Variants in PSME4 observed in about 807,000 individuals in gnomAD.
The protein encoded by PSME4 is proteasome activator subunit 4, also known as proteasome activator complex subunit 4.
In PSME4, 89 loss-of-function variants were observed where a neutral mutation model predicts 253.9. The ratio of observed to expected loss-of-function variants is 0.35; its 90% CI spans 0.30 to 0.42. The LOEUF is 0.42. Among genes scored for constraint, PSME4 ranks in the 10% least tolerant of loss-of-function variants. PSME4 has a pLI of 1.00. For missense variants in PSME4, 2,014 were observed against 2,195.2 expected, an observed-to-expected ratio of 0.92 and a Z score of 1.65; for synonymous variants, 851 against 759.2, an observed-to-expected ratio of 1.12 and a Z score of -1.99.
intron 1 of PSME4, among the ~76,000 whole-genome samples, chr2:53,954,366 G>C (rs148119554): frequency 6.6e-6 from 1 of 151,912 alleles, no homozygotes; most frequent in East Asian, 1.9e-4. Flanking sequence ...TGGGCTAGGC[G>C]CCATGGCTCA....
chr2:53,942,423 T>G (rs1004399591), intron 3 of PSME4, among the ~76,000 whole-genome samples: 8 of 152,090 alleles, frequency 5.3e-5, no homozygotes, highest in African/African-American at 1.7e-4. Context: ...TGGATGGGTT[T>G]TCTTATACCC....
intron 14 of PSME4, among the ~76,000 whole-genome samples, chr2:53,925,037 C>A (rs1267842245): frequency 6.6e-6 from 1 of 152,166 alleles, no homozygotes; most frequent in East Asian, 1.9e-4. Flanking sequence ...TGACGCTTAC[C>A]TAGCACAGTG....
rs199846556 is a variant in PSME4, at chr2:53,893,657, G to A, written c.4038+17C>T. On this transcript the variant is annotated intron_variant, in intron 35 of 46. Coordinates refer to ENST00000404125, the MANE Select transcript of PSME4 (RefSeq NM_014614.3). ...TTACTAAGCATTACAAAGAGGATAT[G>A]TAAACAATATAGTTACCTTAAAGAG... The A allele has an allele frequency of 8.8e-5, 142 of 1,605,356 alleles. No homozygotes were observed. In the African/African-American group the frequency reaches 1.6e-3, roughly 19 times the overall value.
At chr2:53,899,760 G>C (rs1466824013) in intron 29 of PSME4, 121 bp downstream of exon 29, 1 of 1,222,962 alleles carries the variant, frequency 8.2e-7, no homozygotes. Flanking sequence ...GAAGGTTGCA[G>C]TGAGCCATGA....
chr2:53,873,904 A>T (rs1679006842), intron 43 of PSME4, among the ~76,000 whole-genome samples: 1 of 152,218 alleles, frequency 6.6e-6, no homozygotes, highest in Non-Finnish European at 1.5e-5. Flanking sequence ...TTTGTATTAT[A>T]AGGAATCATG....
intron 4 of PSME4, among the ~76,000 whole-genome samples, chr2:53,938,007 A>G (rs1573332697): frequency 6.6e-6 from 1 of 152,020 alleles, no homozygotes; most frequent in Non-Finnish European, 1.5e-5. Context: ...AAAAAAAAAA[A>G]TTCCCCATCA....
intron 39 of PSME4, 42 bp downstream of exon 39, chr2:53,887,816 C>G (rs746096761): frequency 6.6e-7 from 1 of 1,511,720 alleles, no homozygotes; most frequent in Non-Finnish European, 9.0e-7. Context: ...AAAAAACAAA[C>G]AAAGAACTCG....
At chr2:53,953,609 T>G (rs1213857600) in intron 1 of PSME4, among the ~76,000 whole-genome samples, 1 of 151,804 alleles carries the variant, frequency 6.6e-6, no homozygotes, top group Admixed American at 6.6e-5. Flanking sequence ...GTCTTTTTTT[T>G]TTTTTAAGGT....
In PSME4 at chr2:53,889,164, C is replaced by A. The variant is rs146369153; in HGVS notation, c.4297-352G>T. Reference sequence around the variant, plus strand: ...AAAGTTGAGAGCTAGTGCACCCAGCCATATTCAATTATTTTAGAAATACTG... The same window carrying A: ...AAAGTTGAGAGCTAGTGCACCCAGCAATATTCAATTATTTTAGAAATACTG... On this transcript the variant is annotated intron_variant, in intron 37 of 46. Coordinates refer to ENST00000404125, the MANE Select transcript of PSME4 (RefSeq NM_014614.3). 5.3e-5 allele frequency among the ~76,000 whole-genome samples: 8 copies of A among 152,270 alleles called. No individual in the cohort carries two copies. The East Asian group carries it at 1.5e-3, about 29-fold the overall frequency.
chr2:53,968,679 T>C (rs1181683349), intron 1 of PSME4, among the ~76,000 whole-genome samples: 1 of 152,240 alleles, frequency 6.6e-6, no homozygotes, highest in Non-Finnish European at 1.5e-5. Flanking sequence ...GTAGCATTTC[T>C]TGCTGGTTAT....
intron 38 of PSME4, 73 bp downstream of exon 38, chr2:53,888,648 T>C (rs1573219861): frequency 1.9e-6 from 2 of 1,056,164 alleles, no homozygotes; most frequent in East Asian, 4.8e-5. Context: ...GTATAGACCA[T>C]TCATTTCCAT....
Position 53,864,357 on chromosome 2 carries a change from A to C in PSME4, c.*1221T>G, listed in dbSNP as rs771104163. On this transcript the variant is annotated 3_prime_UTR_variant, in exon 47 of 47. Coordinates refer to ENST00000404125, the MANE Select transcript of PSME4 (RefSeq NM_014614.3). The stretch of plus-strand genomic sequence containing the variant: ...CACTCTATAAACTTGTCATAGGCAA[A>C]CATGTGGTGTTAGCATTGAGAGATG... 4 of 152,646 alleles carry C rather than the reference A, an allele frequency of 2.6e-5. No homozygotes were observed. The highest frequency in any genetic ancestry group is 5.9e-5 in the Non-Finnish European group (4 of 68,032). 9.5% of individuals were successfully genotyped at this position (152,646 alleles called of 1,614,324 possible).
intron 31 of PSME4, among the ~76,000 whole-genome samples, chr2:53,897,178 T>C (rs978130317): frequency 2.0e-5 from 3 of 151,336 alleles, no homozygotes; most frequent in Non-Finnish European, 4.4e-5. Context: ...TTTTTTTTTT[T>C]TTTTTTTTTG....
chr2:53,905,038 T>C lies in PSME4; in HGVS notation c.2944-882A>G, dbSNP rs144240244. Among the ~76,000 whole-genome samples the C allele has an allele frequency of 2.5e-3, 377 of 147,974 alleles. 9 individuals carry two copies. The East Asian group carries it at 0.064, about 25-fold the overall frequency. On this transcript the variant is annotated intron_variant, in intron 26 of 46. Transcript: ENST00000404125. ...TATGTACAATGTGTTGCTTTTACTA[T>C]AACCAGTTTTTTTTTTTTTCCTGCT...
chr2:53,889,998 AC>A, intron 37 of PSME4, 105 bp downstream of exon 37: 1 of 897,786 alleles, frequency 1.1e-6, no homozygotes, highest in Non-Finnish European at 1.8e-6. Context: ...AAAAAACAAA[AC>A]CCAAAAAGAT....
At chr2:53,921,247 A>T in intron 17 of PSME4, 143 bp from the exon 18 acceptor site, 1 of 1,249,956 alleles carries the variant, frequency 8.0e-7, no homozygotes, top group Non-Finnish European at 1.1e-6. Flanking sequence ...CTTTAACTGC[A>T]TTCTAATAAT....
chr2:53,885,333 T>C (rs1679587466), intron 41 of PSME4, among the ~76,000 whole-genome samples: 1 of 152,210 alleles, frequency 6.6e-6, no homozygotes. Context: ...TTTTCGTTTG[T>C]AGATTATATT....
intron 1 of PSME4, among the ~76,000 whole-genome samples, chr2:53,955,242 A>T (rs538990751): frequency 6.6e-6 from 1 of 152,232 alleles, no homozygotes; most frequent in Non-Finnish European, 1.5e-5. Flanking sequence ...AAAAAAATCT[A>T]TAAGTCTAGT....
intron 41 of PSME4, among the ~76,000 whole-genome samples, chr2:53,876,713 A>ATTATTTT (rs1224675454): frequency 2.6e-5 from 2 of 77,230 alleles, no homozygotes; most frequent in African/African-American, 4.7e-5. Context: ...AGCCACTGTC[A>ATTATTTT]TTCTTTTTTT....
Sources: gnomAD v4.1 joint callset for allele counts (sites outside exome capture counted in the v4.1 genomes callset) on GRCh38, gnomAD v4.1.1 for gene constraint, MANE v1.5 for transcripts, NCBI Gene and HGNC (gene_info 2026-07-23, HGNC 2026-07-21) for gene names.